The following SH3RF3 variants were observed in gnomAD, a reference collection of about 807,000 sequenced individuals.
SH3RF3 encodes SH3 domain containing ring finger 3, also known as E3 ubiquitin-protein ligase SH3RF3.
SH3RF3 carries 29 observed loss-of-function variants against 66.3 expected under a neutral mutation model. The ratio of observed to expected loss-of-function variants is 0.44; its 90% confidence interval spans 0.33 to 0.60. The LOEUF is 0.60. Among genes scored for constraint, SH3RF3 ranks in the 20% least tolerant of loss-of-function variants. SH3RF3 has a pLI of 0.04. For missense variants in SH3RF3, 1,194 were observed against 1,190.9 expected, an observed-to-expected ratio of 1.00 and a Z score of -0.04; for synonymous variants, 583 against 532.0, an observed-to-expected ratio of 1.10 and a Z score of -1.32.
intron 3 of SH3RF3, among the ~76,000 whole-genome samples, chr2:109,387,336 C>A (rs564883657): frequency 6.6e-6 from 1 of 152,326 alleles, no homozygotes; most frequent in African/African-American, 2.4e-5. Flanking sequence ...TGCTGTAGAG[C>A]CCTCCGGTTC....
chr2:109,437,163 C>G lies in SH3RF3; in HGVS notation c.1828+17C>G. On this transcript the variant is annotated intron_variant, in intron 7 of 9. Transcript: ENST00000309415. ...TTTCAACAGGTACCTTCACAGGGGC[C>G]TCACCCTGCAGGGCATCAACAAGGG... 6.3e-7 allele frequency: 1 copy of G among 1,598,616 alleles called. No individual in the cohort carries two copies. Among genetic ancestry groups the G allele is most frequent in the African/African-American group, 1.3e-5 (1 of 74,860 alleles).
chr2:109,186,634 G>A (rs1558946470), intron 1 of SH3RF3, among the ~76,000 whole-genome samples: 1 of 152,178 alleles, frequency 6.6e-6, no homozygotes, highest in Non-Finnish European at 1.5e-5. Flanking sequence ...TGGGGTTTTG[G>A]GTTGGGATGG....
Position 109,417,172 on chromosome 2 carries a change from C to T in SH3RF3, c.1300-2367C>T, listed in dbSNP as rs1335301367. Among the ~76,000 whole-genome samples the T allele has an allele frequency of 2.0e-5, 3 of 152,320 alleles. No individual in the cohort carries two copies. In the East Asian group the frequency reaches 5.8e-4, roughly 29 times the overall value. ...GACCTGTGGACAGTGGAGAAAGCAT[C>T]CTCTGCGCAGATGCCTGGGGCTGGG... On this transcript the variant is annotated intron_variant, in intron 4 of 9. Coordinates refer to ENST00000309415, the MANE Select transcript of SH3RF3 (RefSeq NM_001099289.3).
intron 8 of SH3RF3, among the ~76,000 whole-genome samples, chr2:109,468,023 GAC>G (rs1678404698): frequency 6.6e-6 from 1 of 152,214 alleles, no homozygotes; most frequent in South Asian, 2.1e-4. Context: ...GCCCAGAAGT[GAC>G]ACACATCACA....
intron 6 of SH3RF3, among the ~76,000 whole-genome samples, chr2:109,434,673 G>A (rs1677349412): frequency 6.6e-6 from 1 of 152,182 alleles, no homozygotes; most frequent in Non-Finnish European, 1.5e-5. Flanking sequence ...TGCCTGTGCT[G>A]TAGTCGGGAT....
rs12616600 is a variant in SH3RF3 at position 109,330,533 on chromosome 2, A to G, written c.574-17141A>G. On this transcript the variant is annotated intron_variant, in intron 1 of 9. Transcript: ENST00000309415. ...TCCCCCCTTGTATTGTTAGATGTCTAGTACCTCACACAGGCCTGGCACAGA... is the reference window on the plus strand; with the variant it reads ...TCCCCCCTTGTATTGTTAGATGTCTGGTACCTCACACAGGCCTGGCACAGA... Among the ~76,000 whole-genome samples the G allele has an allele frequency of 8.4e-3, 1,278 of 152,308 alleles. 15 individuals are homozygous for G. The highest frequency in any genetic ancestry group is 0.045 in the East Asian group (231 of 5,184).
At chr2:109,178,774 G>T (rs13036053) in intron 1 of SH3RF3, among the ~76,000 whole-genome samples, 5 of 152,064 alleles carry the variant, frequency 3.3e-5, no homozygotes, top group Non-Finnish European at 7.4e-5. Context: ...ATTAGATTTC[G>T]TAGGTGTCTC....
intron 1 of SH3RF3, among the ~76,000 whole-genome samples, chr2:109,232,201 T>C (rs994959565): frequency 2.6e-5 from 4 of 152,244 alleles, no homozygotes; most frequent in Non-Finnish European, 4.4e-5. Context: ...TCCAGGCTAT[T>C]TACTAAAGTG....
At chr2:109,418,867 G>A (rs1676795515) in intron 4 of SH3RF3, among the ~76,000 whole-genome samples, 1 of 152,150 alleles carries the variant, frequency 6.6e-6, no homozygotes, top group Admixed American at 6.5e-5. Context: ...TGCATGGGCT[G>A]GGACTAAGGA....
intron 1 of SH3RF3, among the ~76,000 whole-genome samples, chr2:109,239,484 C>T (rs115073463): frequency 1.1e-3 from 165 of 152,282 alleles, no homozygotes; most frequent in African/African-American, 3.7e-3. Flanking sequence ...TTAGAACAAA[C>T]GGACTACAAT....
intron 1 of SH3RF3, among the ~76,000 whole-genome samples, chr2:109,262,086 C>T (rs1680370824): frequency 6.6e-6 from 1 of 152,224 alleles, no homozygotes; most frequent in Non-Finnish European, 1.5e-5. Flanking sequence ...CAAGCATGAG[C>T]AAGCCCACAG....
intron 1 of SH3RF3, among the ~76,000 whole-genome samples, chr2:109,217,066 A>C (rs1304948599): frequency 6.6e-6 from 1 of 152,232 alleles, no homozygotes; most frequent in African/African-American, 2.4e-5. Context: ...CACTCAGCAC[A>C]GTGTCCTCTA....
chr2:109,221,810 A>G (rs568370341), intron 1 of SH3RF3, among the ~76,000 whole-genome samples: 4 of 152,266 alleles, frequency 2.6e-5, no homozygotes, highest in Non-Finnish European at 5.9e-5. Context: ...TTTCTCAGAA[A>G]ACGAAAACTA....
intron 1 of SH3RF3, among the ~76,000 whole-genome samples, chr2:109,335,910 G>T (rs891863191): frequency 2.6e-5 from 4 of 152,216 alleles, no homozygotes; most frequent in Non-Finnish European, 5.9e-5. Context: ...ATTTATGAAT[G>T]AAGCAGCTCA....
intron 8 of SH3RF3, among the ~76,000 whole-genome samples, chr2:109,455,528 C>A (rs77548597): frequency 6.6e-6 from 1 of 151,916 alleles, no homozygotes; most frequent in Non-Finnish European, 1.5e-5. Flanking sequence ...ATGTGTGTTA[C>A]TATGGCATAT....
chr2:109,258,655 G>A (rs4676268), intron 1 of SH3RF3, among the ~76,000 whole-genome samples: 114,830 of 152,264 alleles, frequency 0.75, 43,845 homozygotes, highest in East Asian at 0.9. Context: ...GCAGGTCACC[G>A]GTACCTCTAG....
chr2:109,498,346 A>G (rs1679305725), intron 9 of SH3RF3, among the ~76,000 whole-genome samples: 2 of 152,150 alleles, frequency 1.3e-5, no homozygotes, highest in South Asian at 4.1e-4. Context: ...AGTCAGCCTC[A>G]GGAGCCCATC....
At chr2:109,392,522 T>C (rs1676027861) in intron 3 of SH3RF3, among the ~76,000 whole-genome samples, 1 of 152,134 alleles carries the variant, frequency 6.6e-6, no homozygotes, top group Admixed American at 6.5e-5. Flanking sequence ...CTTCTTTTTT[T>C]TTTTGGAGAC....
intron 1 of SH3RF3, among the ~76,000 whole-genome samples, chr2:109,238,502 A>G (rs978420285): frequency 1.3e-5 from 2 of 148,458 alleles, no homozygotes; most frequent in East Asian, 4.0e-4. Context: ...TGTGTGTGAG[A>G]GTGAGACAGA....
Sources: gnomAD v4.1 joint callset for allele counts (sites outside exome capture counted in the v4.1 genomes callset) on GRCh38, gnomAD v4.1.1 for gene constraint, MANE v1.5 for transcripts, NCBI Gene and HGNC (gene_info 2026-07-23, HGNC 2026-07-21) for gene names.